The following IMMP2L variants were observed in gnomAD, a reference collection of about 807,000 sequenced individuals.
IMMP2L encodes mitochondrial inner membrane protease subunit 2.
In IMMP2L, 18 loss-of-function variants were observed where a neutral mutation model predicts 19.3. The ratio of observed to expected loss-of-function variants is 0.93; its 90% CI spans 0.64 to 1.38. The LOEUF is 1.38. Ranked by LOEUF, IMMP2L falls within the 40% of genes most tolerant of loss-of-function variation. IMMP2L has a pLI of 0.00. For synonymous variants in IMMP2L, 76 were observed against 73.0 expected (o/e 1.04, Z -0.21); for missense variants, 233 against 218.2 (o/e 1.07, Z -0.43).
At position 111,139,395 on chromosome 7, in the gene IMMP2L, T is replaced by G. The variant is rs537961781; in HGVS notation, c.240-175830A>C. Among the ~76,000 whole-genome samples the G allele has an allele frequency of 3.9e-5, 6 of 152,254 alleles. No individual in the cohort carries two copies. The South Asian group carries it at 1.2e-3, about 32-fold the overall frequency. On this transcript the variant is annotated intron_variant, in intron 3 of 5. Coordinates refer to ENST00000405709, the MANE Select transcript of IMMP2L (RefSeq NM_032549.4). ...TTTACTGCCAGAGACTGGACTAGAT[T>G]GGTATTTCTTTTTGTTCAACAAGTA...
intron 3 of IMMP2L, among the ~76,000 whole-genome samples, chr7:111,317,756 A>G (rs1438380548): frequency 6.6e-6 from 1 of 152,118 alleles, no homozygotes; most frequent in Non-Finnish European, 1.5e-5. Flanking sequence ...TGCTTAAGAA[A>G]AATTTAAGAT....
At chr7:110,943,351 T>A (rs1816919343) in intron 4 of IMMP2L, among the ~76,000 whole-genome samples, 1 of 152,136 alleles carries the variant, frequency 6.6e-6, no homozygotes, top group South Asian at 2.1e-4. Flanking sequence ...AATTCATTTT[T>A]AAGAGAACTC....
At chr7:111,178,979 T>C (rs767157255) in intron 3 of IMMP2L, among the ~76,000 whole-genome samples, 19 of 152,022 alleles carry the variant, frequency 1.2e-4, no homozygotes, top group Non-Finnish European at 2.4e-4. Context: ...TTCAATTTAC[T>C]TTTCCCAGAG....
At chr7:110,706,885 AT>A (rs1459172096) in intron 5 of IMMP2L, among the ~76,000 whole-genome samples, 1 of 151,386 alleles carries the variant, frequency 6.6e-6, no homozygotes, top group Non-Finnish European at 1.5e-5. Flanking sequence ...TTTTGCTGTA[AT>A]TTTTTTGAGG....
intron 3 of IMMP2L, among the ~76,000 whole-genome samples, chr7:111,407,566 T>C (rs1180928973): frequency 6.6e-6 from 1 of 152,060 alleles, no homozygotes; most frequent in Non-Finnish European, 1.5e-5. Context: ...GACCATTTAT[T>C]GTGTGATTCT....
intron 3 of IMMP2L, among the ~76,000 whole-genome samples, chr7:111,215,839 CT>C (rs1249886631): frequency 6.6e-6 from 1 of 152,102 alleles, no homozygotes; most frequent in African/African-American, 2.4e-5. Flanking sequence ...CATTTCTCAT[CT>C]GTAAATGTGC....
intron 3 of IMMP2L, among the ~76,000 whole-genome samples, chr7:111,438,391 AT>A (rs1284047381): frequency 6.6e-6 from 1 of 151,762 alleles, no homozygotes; most frequent in Non-Finnish European, 1.5e-5. Context: ...GAAGATTTTT[AT>A]GAAAAACCTC....
chr7:110,868,204 C>G lies in IMMP2L; in HGVS notation c.408+18389G>C, dbSNP rs146592296. ...AGCATGACGTATTAGATGAGCAAGA[C>G]TAACTAAATCAAGCCGAGACAAAGA... On this transcript the variant is annotated intron_variant, in intron 5 of 5. Coordinates refer to ENST00000405709, the MANE Select transcript of IMMP2L (RefSeq NM_032549.4). 6.6e-3 allele frequency among the ~76,000 whole-genome samples: 985 copies of G among 149,044 alleles called. 15 individuals carry two copies. The highest frequency in any genetic ancestry group is 0.023 in the African/African-American group (937 of 40,666).
chr7:111,417,816 A>C (rs1835097766), intron 3 of IMMP2L, among the ~76,000 whole-genome samples: 2 of 151,928 alleles, frequency 1.3e-5, no homozygotes, highest in Non-Finnish European at 1.5e-5. Flanking sequence ...AATGTAGCAG[A>C]CATTTCTTTT....
intron 3 of IMMP2L, among the ~76,000 whole-genome samples, chr7:111,237,134 A>C (rs1017953270): frequency 1.3e-5 from 2 of 152,190 alleles, no homozygotes; most frequent in African/African-American, 4.8e-5. Flanking sequence ...AGTTGATGGA[A>C]TAAATATTTC....
chr7:110,831,915 A>C (rs1318570667), intron 5 of IMMP2L, among the ~76,000 whole-genome samples: 1 of 152,150 alleles, frequency 6.6e-6, no homozygotes, highest in East Asian at 1.9e-4. Flanking sequence ...AATTGAAGCT[A>C]AAGGTCCCAG....
At chr7:111,402,991 ACC>A (rs781654530) in intron 3 of IMMP2L, among the ~76,000 whole-genome samples, 2 of 45,548 alleles carry the variant, frequency 4.4e-5, no homozygotes, top group Admixed American at 2.2e-4. Flanking sequence ...TGCAGCCTTG[ACC>A]CCCCCCCCCC....
chr7:110,898,466 T>C (rs1200772714), intron 4 of IMMP2L, among the ~76,000 whole-genome samples: 1 of 152,150 alleles, frequency 6.6e-6, no homozygotes, highest in Admixed American at 6.6e-5. Flanking sequence ...CAAATGCTGG[T>C]TCTAACAGGA....
chr7:110,884,967 G>GT (rs1225319488), intron 5 of IMMP2L, among the ~76,000 whole-genome samples: 1 of 151,892 alleles, frequency 6.6e-6, no homozygotes, highest in African/African-American at 2.4e-5. Context: ...ATGAGTCAAA[G>GT]TGGCTGCTCC....
intron 3 of IMMP2L, among the ~76,000 whole-genome samples, chr7:111,324,254 GA>G (rs1486691914): frequency 6.6e-6 from 1 of 151,670 alleles, no homozygotes; most frequent in African/African-American, 2.4e-5. Flanking sequence ...AACACAAAGT[GA>G]AAAATAACAA....
intron 3 of IMMP2L, among the ~76,000 whole-genome samples, chr7:111,239,209 G>A (rs772319365): frequency 4.6e-5 from 7 of 151,666 alleles, no homozygotes; most frequent in Non-Finnish European, 7.4e-5. Flanking sequence ...CCAAACTATC[G>A]CTATGAGTAA....
At chr7:111,427,262 T>C (rs1160331077) in intron 3 of IMMP2L, among the ~76,000 whole-genome samples, 1 of 151,692 alleles carries the variant, frequency 6.6e-6, no homozygotes, top group Non-Finnish European at 1.5e-5. Flanking sequence ...CAAGATACTT[T>C]GTAATTTGTT....
intron 3 of IMMP2L, among the ~76,000 whole-genome samples, chr7:111,328,573 G>A (rs766231505): frequency 5.6e-4 from 85 of 151,854 alleles, no homozygotes; most frequent in South Asian, 1.0e-3. Context: ...AATACAGCAA[G>A]GCTTAGAATT....
At chr7:111,436,320 G>A (rs975498511) in intron 3 of IMMP2L, among the ~76,000 whole-genome samples, 6 of 151,008 alleles carry the variant, frequency 4.0e-5, no homozygotes, top group African/African-American at 1.5e-4. Context: ...GAAAAGCTTT[G>A]TTTACAAAAA....
Sources: allele counts gnomAD v4.1 joint callset (sites outside exome capture counted in the v4.1 genomes callset), GRCh38; gene constraint gnomAD v4.1.1; transcripts MANE v1.5; gene names NCBI Gene and HGNC (gene_info 2026-07-23, HGNC 2026-07-21).